CCDC102B: variants seen among roughly 807,000 people sequenced by gnomAD.
The protein encoded by CCDC102B is coiled-coil domain containing 102B.
Under a neutral mutation model 57.4 loss-of-function variants are expected in CCDC102B, and 75 were observed. The observed-to-expected ratio is 1.31, with a 90% CI of 1.08 to 1.58. The LOEUF (loss-of-function observed/expected upper bound fraction) is 1.58, where lower values mean the gene tolerates loss of function less well. Among genes scored for constraint, CCDC102B ranks in the 40% most tolerant of loss-of-function variants. The pLI is 0.00. For synonymous variants in CCDC102B, 206 were observed against 201.9 expected (o/e 1.02, Z -0.17); for missense variants, 636 against 582.6 (o/e 1.09, Z -0.94).
chr18:68,719,793 C>A lies in CCDC102B; in HGVS notation c.-67+3199C>A, dbSNP rs537468347. 2.0e-3 allele frequency among the ~76,000 whole-genome samples: 303 copies of A among 152,148 alleles called. 2 individuals carry two copies. Among genetic ancestry groups the A allele is most frequent in the Middle Eastern group, 0.014 (4 of 294 alleles). ...GTTGTTACAAACACGTCCAGACAAT[C>A]AAAAAATAGGGAACACTCACCAATT... On this transcript the variant is annotated intron_variant, in intron 2 of 3. Transcript: ENST00000578970.
At chr18:68,977,046 A>T (rs145555038) in intron 6 of CCDC102B, among the ~76,000 whole-genome samples, 2 of 151,946 alleles carry the variant, frequency 1.3e-5, no homozygotes, top group Admixed American at 1.3e-4. Context: ...TCCTGATCTA[A>T]TTTATTCTTA....
intron 5 of CCDC102B, among the ~76,000 whole-genome samples, chr18:68,882,503 A>G (rs982924749): frequency 8.5e-5 from 13 of 152,246 alleles, no homozygotes; most frequent in African/African-American, 3.1e-4. Context: ...TCTAGAATCT[A>G]GAGTGATATA....
At chr18:69,038,718 A>T (rs1021682795) in intron 7 of CCDC102B, among the ~76,000 whole-genome samples, 1 of 151,962 alleles carries the variant, frequency 6.6e-6, no homozygotes, top group Non-Finnish European at 1.5e-5. Context: ...TGCATTTACA[A>T]ACTGATTTAC....
At chr18:69,007,237 A>G (rs566221071) in intron 6 of CCDC102B, among the ~76,000 whole-genome samples, 7 of 152,192 alleles carry the variant, frequency 4.6e-5, no homozygotes, top group Admixed American at 6.5e-5. Flanking sequence ...GAGGCACTCT[A>G]TGAACACAGT....
intron 2 of CCDC102B, among the ~76,000 whole-genome samples, chr18:68,779,358 A>C (rs1027695549): frequency 6.6e-6 from 1 of 152,182 alleles, no homozygotes; most frequent in African/African-American, 2.4e-5. Context: ...ATGTTGCTTA[A>C]GGCCACATAG....
At chr18:68,967,924 A>T (rs2050204462) in intron 6 of CCDC102B, among the ~76,000 whole-genome samples, 1 of 152,200 alleles carries the variant, frequency 6.6e-6, no homozygotes, top group Non-Finnish European at 1.5e-5. Context: ...CTATAAAAAT[A>T]CTATCAGAAA....
At chr18:69,000,969 G>C (rs1306207095) in intron 6 of CCDC102B, among the ~76,000 whole-genome samples, 1 of 151,980 alleles carries the variant, frequency 6.6e-6, no homozygotes, top group East Asian at 1.9e-4. Context: ...TTGGATATTA[G>C]CTAATCCTTT....
intron 2 of CCDC102B, among the ~76,000 whole-genome samples, chr18:68,729,919 C>A (rs1420162508): frequency 6.6e-6 from 1 of 152,136 alleles, no homozygotes; most frequent in Non-Finnish European, 1.5e-5. Context: ...AAGCACCTAA[C>A]AGTGGGCAAA....
intron 6 of CCDC102B, among the ~76,000 whole-genome samples, chr18:68,934,970 G>A (rs577844918): frequency 6.6e-6 from 1 of 151,938 alleles, no homozygotes; most frequent in Non-Finnish European, 1.5e-5. Flanking sequence ...TGATATTTGG[G>A]TAGGTGGCGG....
At chr18:68,815,677 T>TACACACACACACACACACACAC (rs10592850) in intron 1 of CCDC102B, among the ~76,000 whole-genome samples, 14 of 149,176 alleles carry the variant, frequency 9.4e-5, no homozygotes, top group African/African-American at 3.2e-4. Context: ...TCCATTTACA[T>TACACACACACACACACACACAC]ACACACACAC....
intron 6 of CCDC102B, among the ~76,000 whole-genome samples, chr18:68,956,028 A>G (rs2049835597): frequency 6.6e-6 from 1 of 151,534 alleles, no homozygotes; most frequent in African/African-American, 2.4e-5. Flanking sequence ...AGTTGTTTTA[A>G]TTTTATAGCT....
At chr18:68,805,081 C>T (rs1375066372) in intron 1 of CCDC102B, among the ~76,000 whole-genome samples, 1 of 151,984 alleles carries the variant, frequency 6.6e-6, no homozygotes, top group African/African-American at 2.4e-5. Context: ...GACAGAATAA[C>T]ATATGGGTAT....
rs570805982 is a variant in CCDC102B, at chr18:68,989,328, C to T, written c.1264-21606C>T. Reference sequence around the variant, plus strand: ...TACTGTGAAAATGAAGATTAACATACCAAGTAGAATAAAAATTACCTATAT... The same window carrying T: ...TACTGTGAAAATGAAGATTAACATATCAAGTAGAATAAAAATTACCTATAT... On this transcript the variant is annotated intron_variant, in intron 6 of 7. Coordinates refer to ENST00000360242, the MANE Select transcript of CCDC102B (RefSeq NM_024781.3). Among the ~76,000 whole-genome samples, 6 of 152,178 alleles carry T rather than the reference C, an allele frequency of 3.9e-5. No homozygotes were observed. The South Asian group carries it at 1.2e-3, about 32-fold the overall frequency.
chr18:68,742,590 C>T (rs192080192), intron 2 of CCDC102B, among the ~76,000 whole-genome samples: 36 of 152,198 alleles, frequency 2.4e-4, no homozygotes, highest in South Asian at 4.2e-4. Context: ...TTAATTTATC[C>T]GTACTGTAAA....
intron 6 of CCDC102B, among the ~76,000 whole-genome samples, chr18:68,942,182 C>A (rs1027823751): frequency 6.6e-6 from 1 of 152,038 alleles, no homozygotes; most frequent in South Asian, 2.1e-4. Context: ...ATTTTTCATA[C>A]CAAACACTGT....
At chr18:68,879,030 C>T (rs898760186) in intron 5 of CCDC102B, among the ~76,000 whole-genome samples, 2 of 151,990 alleles carry the variant, frequency 1.3e-5, no homozygotes, top group East Asian at 1.9e-4. Context: ...TTCGTGGTCT[C>T]GCTGGCTCAG....
chr18:68,960,349 A>AGCTCTACCTGT (rs1568355304), intron 6 of CCDC102B, among the ~76,000 whole-genome samples: 1 of 152,160 alleles, frequency 6.6e-6, no homozygotes, highest in African/African-American at 2.4e-5. Flanking sequence ...TGGGGGCCTG[A>AGCTCTACCTGT]TGCCCTATTC....
At chr18:68,919,070 A>G (rs1306431818) in intron 6 of CCDC102B, among the ~76,000 whole-genome samples, 2 of 151,964 alleles carry the variant, frequency 1.3e-5, no homozygotes, top group East Asian at 3.9e-4. Flanking sequence ...GTTGAAGAAA[A>G]CTACTCCCCA....
intron 6 of CCDC102B, among the ~76,000 whole-genome samples, chr18:68,908,810 A>G (rs921702935): frequency 2.6e-5 from 4 of 152,120 alleles, no homozygotes; most frequent in Admixed American, 6.5e-5. Context: ...ACGTGTGTAC[A>G]TATATATTGG....
Sources: allele counts gnomAD v4.1 joint callset (sites outside exome capture counted in the v4.1 genomes callset), GRCh38; gene constraint gnomAD v4.1.1; transcripts MANE v1.5; gene names NCBI Gene and HGNC (gene_info 2026-07-23, HGNC 2026-07-21).